The following SLC7A2 variants were observed in gnomAD, a reference collection of about 807,000 sequenced individuals.
SLC7A2 encodes solute carrier family 7 member 2, also known as cationic amino acid transporter 2.
In SLC7A2, 48 loss-of-function variants were observed where a neutral mutation model predicts 58.9. The ratio of observed to expected loss-of-function variants is 0.82; its 90% CI spans 0.65 to 1.04. The LOEUF is 1.04. Ranked by LOEUF, SLC7A2 falls within the 50% of genes least tolerant of loss-of-function variation. The pLI is 0.00. For missense variants in SLC7A2, 1,029 were observed against 818.8 expected, an observed-to-expected ratio of 1.26 and a Z score of -3.13; for synonymous variants, 363 against 314.5, an observed-to-expected ratio of 1.15 and a Z score of -1.63.
intron 2 of SLC7A2, 117 bp from the exon 3 acceptor site, chr8:17,543,201 C>T (rs868801466): frequency 2.2e-6 from 2 of 915,760 alleles, no homozygotes; most frequent in African/African-American, 1.7e-5. Context: ...CACACACACA[C>T]ACACACACAC....
At chr8:17,528,441 G>A (rs1335192311) in intron 2 of SLC7A2, among the ~76,000 whole-genome samples, 1 of 152,062 alleles carries the variant, frequency 6.6e-6, no homozygotes, top group Admixed American at 6.5e-5. Flanking sequence ...CCGGAGTGCA[G>A]TGGCATGATT....
intron 2 of SLC7A2, among the ~76,000 whole-genome samples, chr8:17,530,997 T>G (rs1348455020): frequency 1.3e-5 from 2 of 152,230 alleles, no homozygotes; most frequent in Non-Finnish European, 2.9e-5. Context: ...GTATTTAAAA[T>G]GAAGGAAGGC....
At position 17,565,278 on chromosome 8, in the gene SLC7A2, A is replaced by G; in HGVS notation, c.*132A>G. The G allele has an allele frequency of 1.5e-6, 1 of 667,646 alleles. No homozygotes were observed. Among genetic ancestry groups the G allele is most frequent in the South Asian group, 2.0e-5 (1 of 49,954 alleles). The allele number at this position is 667,646 out of a possible 1,614,324, so 41.4% of individuals were successfully genotyped here. A position where few individuals can be genotyped will look rare whatever the true frequency, so the allele number is the denominator to read the frequency against. On this transcript the variant is annotated 3_prime_UTR_variant, in exon 13 of 13. Coordinates refer to ENST00000494857, the MANE Select transcript of SLC7A2 (RefSeq NM_001370338.1). ...ACATAGTTCACCCTAATTTATACTT[A>G]CTCATCTGGACAGCATCTCCTCAGA...
chr8:17,543,480 C>A lies in SLC7A2; in HGVS notation c.141C>A (p.Thr47=), dbSNP rs894081856. The A allele has an allele frequency of 3.1e-6, 5 of 1,613,968 alleles. No homozygotes were observed. Among genetic ancestry groups the A allele is most frequent in the Middle Eastern group, 1.6e-4 (1 of 6,084 alleles). The change falls in exon 3 of 13, where the codon ACC becomes ACA. Residue 47 remains threonine, a synonymous_variant. Transcript: ENST00000494857. ...MDLIALGVGS[T]LGAGVYVLAG... is the part of the protein sequence containing the mutation. ...TCATTGCCCTGGGCGTTGGAAGCAC[C>A]CTTGGGGCCGGGGTTTATGTCCTCG...
chr8:17,529,279 C>G (rs1801340968), intron 2 of SLC7A2, among the ~76,000 whole-genome samples: 1 of 152,140 alleles, frequency 6.6e-6, no homozygotes, highest in Non-Finnish European at 1.5e-5. Flanking sequence ...CATCTCTTCC[C>G]TTTTCTTAAT....
At chr8:17,503,516 G>C (rs1039668131) in intron 2 of SLC7A2, among the ~76,000 whole-genome samples, 61 of 152,176 alleles carry the variant, frequency 4.0e-4, no homozygotes, top group African/African-American at 1.4e-3. Context: ...ATAGTTCGCA[G>C]AATATTTGCA....
intron 11 of SLC7A2, among the ~76,000 whole-genome samples, chr8:17,563,165 T>C (rs868116454): frequency 6.6e-6 from 1 of 151,958 alleles, no homozygotes; most frequent in Admixed American, 6.6e-5. Flanking sequence ...AAAACTAAAT[T>C]GAACATTAAA....
chr8:17,504,749 C>G (rs955795059), intron 2 of SLC7A2, among the ~76,000 whole-genome samples: 2 of 152,172 alleles, frequency 1.3e-5, no homozygotes, highest in African/African-American at 4.8e-5. Flanking sequence ...TTTGAGCAGT[C>G]TCTGAAATTT....
intron 1 of SLC7A2, among the ~76,000 whole-genome samples, chr8:17,497,641 G>A (rs774718110): frequency 1.3e-5 from 2 of 152,196 alleles, no homozygotes; most frequent in Non-Finnish European, 2.9e-5. Context: ...CTCTCCGGGT[G>A]GGCAGGCTGA....
chr8:17,530,998 G>C (rs565303162), intron 2 of SLC7A2, among the ~76,000 whole-genome samples: 1 of 152,284 alleles, frequency 6.6e-6, no homozygotes, highest in South Asian at 2.1e-4. Flanking sequence ...TATTTAAAAT[G>C]AAGGAAGGCT....
intron 2 of SLC7A2, among the ~76,000 whole-genome samples, chr8:17,536,753 G>A (rs1433109321): frequency 6.6e-6 from 1 of 152,212 alleles, no homozygotes; most frequent in Admixed American, 6.5e-5. Context: ...AGAAATGGCT[G>A]AAGGTAGCAG....
chr8:17,560,871 A>G (rs1386148653), intron 10 of SLC7A2, among the ~76,000 whole-genome samples: 1 of 152,202 alleles, frequency 6.6e-6, no homozygotes, highest in African/African-American at 2.4e-5. Context: ...ACCCGATGGA[A>G]TTGTCCAATA....
intron 6 of SLC7A2, 86 bp from the exon 7 acceptor site, chr8:17,551,678 A>C: frequency 2.1e-6 from 2 of 963,524 alleles, no homozygotes; most frequent in Middle Eastern, 4.2e-4. Flanking sequence ...ACTACCCTGG[A>C]GAAGAGGAAG....
At chr8:17,499,396 C>A (rs138719988) in intron 1 of SLC7A2, among the ~76,000 whole-genome samples, 1 of 149,924 alleles carries the variant, frequency 6.7e-6, no homozygotes, top group East Asian at 2.0e-4. Context: ...CTCTCTGTCC[C>A]TCTTCCCTCC....
chr8:17,498,392 CTG>C (rs1020569459), intron 1 of SLC7A2, among the ~76,000 whole-genome samples: 15 of 152,318 alleles, frequency 9.8e-5, no homozygotes, highest in African/African-American at 3.6e-4. Flanking sequence ...GTGAAACATT[CTG>C]TGTTTGTAAT....
chr8:17,557,949 G>A (rs1171926231), intron 8 of SLC7A2, among the ~76,000 whole-genome samples: 1 of 152,170 alleles, frequency 6.6e-6, no homozygotes, highest in Admixed American at 6.5e-5. Context: ...TAAAAAAGGA[G>A]CTAGCCAGTA....
intron 2 of SLC7A2, among the ~76,000 whole-genome samples, chr8:17,508,208 C>T (rs956917761): frequency 6.6e-6 from 1 of 151,960 alleles, no homozygotes; most frequent in Non-Finnish European, 1.5e-5. Flanking sequence ...GCAGAAAATT[C>T]CTGTTGATAG....
Position 17,565,486 on chromosome 8 carries a change from T to C in SLC7A2, c.*340T>C, listed in dbSNP as rs1803228517. 1 of 203,300 alleles carries C rather than the reference T, an allele frequency of 4.9e-6. No individual in the cohort carries two copies. The highest frequency in any genetic ancestry group is 1.0e-5 in the Non-Finnish European group (1 of 99,866). The allele number at this position is 203,300 out of a possible 1,614,324, so 12.6% of individuals were successfully genotyped here. On this transcript the variant is annotated 3_prime_UTR_variant, in exon 13 of 13. Coordinates refer to ENST00000494857, the MANE Select transcript of SLC7A2 (RefSeq NM_001370338.1). Reference sequence around the variant, plus strand: ...ATTATTGTGTTACATTTTTCCAGTGTCGTCATTAATCGGTGGCATATACTG... The same window carrying C: ...ATTATTGTGTTACATTTTTCCAGTGCCGTCATTAATCGGTGGCATATACTG...
chr8:17,540,177 T>A (rs1801849904), intron 2 of SLC7A2, among the ~76,000 whole-genome samples: 1 of 152,168 alleles, frequency 6.6e-6, no homozygotes, highest in Admixed American at 6.5e-5. Context: ...AAATGACTCA[T>A]TAAATTGACC....
Sources: gnomAD v4.1 joint callset for allele counts (sites outside exome capture counted in the v4.1 genomes callset) on GRCh38, gnomAD v4.1.1 for gene constraint, MANE v1.5 for transcripts, NCBI Gene and HGNC (gene_info 2026-07-23, HGNC 2026-07-21) for gene names.